The following UACA variants were observed in gnomAD, a reference collection of about 807,000 sequenced individuals.
UACA encodes the protein uveal autoantigen with coiled-coil domains and ankyrin repeats, also known as nuclear membrane binding protein.
A neutral mutation model predicts 160.5 loss-of-function variants in UACA; 112 were observed. That is an observed-to-expected ratio of 0.70 (90% CI 0.60 to 0.82). UACA has a LOEUF of 0.82. UACA is among the 40% of genes least tolerant of loss of function. The probability of loss-of-function intolerance (pLI) is 0.00; values close to 1 mark genes in which losing one functional copy is unlikely to be tolerated. For synonymous variants in UACA, 557 were observed against 568.4 expected (o/e 0.98, Z 0.29); for missense variants, 1,574 against 1,614.6 (o/e 0.97, Z 0.43).
intron 1 of UACA, among the ~76,000 whole-genome samples, chr15:70,743,510 C>T (rs1899603127): frequency 6.6e-6 from 1 of 152,082 alleles, no homozygotes; most frequent in African/African-American, 2.4e-5. Context: ...GAGCATCTAG[C>T]CACTGGACTA....
intron 1 of UACA, among the ~76,000 whole-genome samples, chr15:70,749,698 CAAAAAAA>C (rs11292883): frequency 7.1e-5 from 5 of 70,056 alleles, no homozygotes; most frequent in African/African-American, 2.6e-4. Context: ...GACTCCGTCT[CAAAAAAA>C]AAAAAAAAAA....
At chr15:70,772,357 G>T in the UACA span, among the ~76,000 whole-genome samples, 1 of 151,992 alleles carries the variant, frequency 6.6e-6, no homozygotes, top group Admixed American at 6.5e-5. Flanking sequence ...GCCAGGCGTG[G>T]TGGTGGGCGC....
intron 12 of UACA, 34 bp from the exon 13 acceptor site, chr15:70,676,625 C>T (rs1897310908): frequency 1.3e-6 from 2 of 1,549,440 alleles, no homozygotes; most frequent in Non-Finnish European, 8.9e-7. Context: ...AGTAAAATCA[C>T]CCTGTGCTTG....
chr15:70,686,481 G>T (rs1019689453), intron 7 of UACA, among the ~76,000 whole-genome samples: 29 of 128,288 alleles, frequency 2.3e-4, no homozygotes, highest in Admixed American at 4.1e-4. Context: ...AGAAGCCAGG[G>T]TTCTTTTTTT....
At chr15:70,760,784 C>A (rs1329116248) in intron 1 of UACA, among the ~76,000 whole-genome samples, 2 of 142,894 alleles carry the variant, frequency 1.4e-5, no homozygotes, top group East Asian at 2.1e-4. Context: ...TCCAGCCTGG[C>A]GACCGAGCGA....
chr15:70,675,572 T>C (rs1001338710), intron 13 of UACA, among the ~76,000 whole-genome samples: 1 of 152,238 alleles, frequency 6.6e-6, no homozygotes, highest in Non-Finnish European at 1.5e-5. Context: ...TCTAACATCA[T>C]AGATTAGTTT....
intron 1 of UACA, among the ~76,000 whole-genome samples, chr15:70,700,301 G>GTATATATATATATATATATATGTA (rs142277997): frequency 7.7e-6 from 1 of 129,884 alleles, no homozygotes; most frequent in South Asian, 2.3e-4. Context: ...GAGGCAAATT[G>GTATATATATATATATATATATGTA]TATATATATA....
chr15:70,710,865 T>C (rs1293235198), intron 1 of UACA, among the ~76,000 whole-genome samples: 2 of 152,214 alleles, frequency 1.3e-5, no homozygotes, highest in East Asian at 1.9e-4. Context: ...TTTTGGGGCT[T>C]TCACGGAGGC....
chr15:70,766,062 G>T (rs1052822757), upstream of UACA, among the ~76,000 whole-genome samples: 3 of 152,182 alleles, frequency 2.0e-5, no homozygotes, highest in Admixed American at 1.3e-4. Context: ...CTTGCATCAG[G>T]TTCCAAAAAT....
intron 10 of UACA, 35 bp downstream of exon 10, chr15:70,679,570 GTTT>G: frequency 7.1e-7 from 1 of 1,412,452 alleles, no homozygotes; most frequent in East Asian, 2.4e-5. Context: ...TACTGGAATT[GTTT>G]TTAAAGGAAG....
At chr15:70,765,488 A>T (rs2030988389), upstream of UACA, among the ~76,000 whole-genome samples, 1 of 152,172 alleles carries the variant, frequency 6.6e-6, no homozygotes, top group Non-Finnish European at 1.5e-5. Context: ...TGATCTCTCC[A>T]TCCTCCAAAT....
intron 1 of UACA, chr15:70,702,234 C>G: frequency 9.2e-7 from 1 of 1,084,628 alleles, no homozygotes; most frequent in Non-Finnish European, 1.1e-6. Context: ...CTTTGAGGGA[C>G]CCCACTGGAA....
chr15:70,690,794 G>A (rs1287942435), intron 4 of UACA, among the ~76,000 whole-genome samples: 1 of 151,518 alleles, frequency 6.6e-6, no homozygotes, highest in African/African-American at 2.4e-5. Flanking sequence ...TTTCCACCAA[G>A]AATTAAAACT....
chr15:70,760,734 G>A (rs1029460402), intron 1 of UACA, among the ~76,000 whole-genome samples: 7 of 151,532 alleles, frequency 4.6e-5, no homozygotes, highest in Admixed American at 2.0e-4. Context: ...TTGAACCTGG[G>A]AGGCGGAGGT....
chr15:70,694,973 G>A (rs1449649446), intron 3 of UACA, 44 bp downstream of exon 3: 2 of 1,459,928 alleles, frequency 1.4e-6, no homozygotes, highest in Non-Finnish European at 1.9e-6. Flanking sequence ...GACAATGTTT[G>A]TTTTCACTTT....
chr15:70,744,230 C>T (rs1243599933), intron 1 of UACA, among the ~76,000 whole-genome samples: 2 of 114,840 alleles, frequency 1.7e-5, no homozygotes, highest in Non-Finnish European at 3.3e-5. Flanking sequence ...GCCTGGGCGA[C>T]AGAGCAAGAC....
At chr15:70,662,418 T>C (rs1308740576) in intron 17 of UACA, among the ~76,000 whole-genome samples, 2 of 152,180 alleles carry the variant, frequency 1.3e-5, no homozygotes, top group Admixed American at 1.3e-4. Flanking sequence ...ATCAATGTCA[T>C]GAAAATGGCT....
chr15:70,670,449 C>T (rs1897097545), intron 15 of UACA, among the ~76,000 whole-genome samples: 2 of 152,198 alleles, frequency 1.3e-5, no homozygotes, highest in African/African-American at 4.8e-5. Context: ...AAGCCGCCCA[C>T]TTGGCCTTCT....
the UACA span, among the ~76,000 whole-genome samples, chr15:70,774,545 C>CAAAAAAAAAA: frequency 2.4e-4 from 20 of 82,446 alleles, 1 homozygote; most frequent in African/African-American, 8.1e-4. Flanking sequence ...GACTCTGTCT[C>CAAAAAAAAAA]AAAAAAAAAA....
Sources: allele counts gnomAD v4.1 joint callset (sites outside exome capture counted in the v4.1 genomes callset), GRCh38; gene constraint gnomAD v4.1.1; transcripts MANE v1.5; gene names NCBI Gene and HGNC (gene_info 2026-07-23, HGNC 2026-07-21).